The following RAB27B variants were observed in gnomAD, a reference collection of about 807,000 sequenced individuals.
The protein encoded by RAB27B is RAB27B, member RAS oncogene family.
Under a neutral mutation model 24.6 loss-of-function variants are expected in RAB27B, and 15 were observed. That is an observed-to-expected ratio of 0.61 (90% CI 0.41 to 0.94). The LOEUF (loss-of-function observed/expected upper bound fraction) is 0.94, where lower values mean the gene tolerates loss of function less well. RAB27B is among the 40% of genes least tolerant of loss of function. The probability of loss-of-function intolerance (pLI) is 0.00; values close to 1 mark genes in which losing one functional copy is unlikely to be tolerated. For synonymous variants in RAB27B, 105 were observed against 92.5 expected (o/e 1.14, Z -0.78); for missense variants, 261 against 266.8 (o/e 0.98, Z 0.15).
chr18:54,811,914 A>G (rs1909975820), intron 2 of RAB27B, among the ~76,000 whole-genome samples: 1 of 152,200 alleles, frequency 6.6e-6, no homozygotes, highest in Non-Finnish European at 1.5e-5. Context: ...CAATGCCCAT[A>G]TTGCAACTTC....
chr18:54,767,214 A>G (rs776955560), intron 2 of RAB27B, among the ~76,000 whole-genome samples: 6 of 152,164 alleles, frequency 3.9e-5, no homozygotes, highest in Non-Finnish European at 7.4e-5. Flanking sequence ...GCTCTCCTAA[A>G]TGTTTGCTCT....
At chr18:54,786,200 C>T (rs1909079593) in intron 2 of RAB27B, among the ~76,000 whole-genome samples, 1 of 152,154 alleles carries the variant, frequency 6.6e-6, no homozygotes, top group Admixed American at 6.5e-5. Context: ...GTCCTTTCAA[C>T]TTTGTATGAA....
intron 2 of RAB27B, among the ~76,000 whole-genome samples, chr18:54,806,674 G>T (rs1909800354): frequency 6.6e-6 from 1 of 151,114 alleles, no homozygotes; most frequent in South Asian, 2.1e-4. Flanking sequence ...TGGCTTTCAG[G>T]ATGTTATGTT....
At chr18:54,790,829 G>T (rs1201121219) in intron 2 of RAB27B, among the ~76,000 whole-genome samples, 1 of 152,062 alleles carries the variant, frequency 6.6e-6, no homozygotes, top group African/African-American at 2.4e-5. Context: ...AAACATTTTA[G>T]CACTTGTAGA....
chr18:54,777,501 T>TA (rs1364464488), intron 2 of RAB27B, among the ~76,000 whole-genome samples: 5 of 151,950 alleles, frequency 3.3e-5, no homozygotes, highest in African/African-American at 1.2e-4. Context: ...CAGTGGAGAG[T>TA]TTTAGAGTAC....
At chr18:54,742,632 A>G (rs563060966) in intron 2 of RAB27B, among the ~76,000 whole-genome samples, 9 of 152,312 alleles carry the variant, frequency 5.9e-5, no homozygotes, top group African/African-American at 2.2e-4. Flanking sequence ...TTATGAGAAC[A>G]AGTGCCCTGA....
chr18:54,719,719 G>A (rs1033052378), intron 2 of RAB27B, among the ~76,000 whole-genome samples: 2 of 151,878 alleles, frequency 1.3e-5, no homozygotes, highest in South Asian at 2.1e-4. Context: ...TCAAGTTTGT[G>A]TATATTACAT....
intron 2 of RAB27B, among the ~76,000 whole-genome samples, chr18:54,772,478 C>A (rs534053121): frequency 6.6e-6 from 1 of 152,286 alleles, no homozygotes; most frequent in East Asian, 1.9e-4. Context: ...CTAGGCTTAT[C>A]CATGTTGATT....
At chr18:54,852,332 AT>A (rs1373981700) in intron 1 of RAB27B, among the ~76,000 whole-genome samples, 5 of 152,200 alleles carry the variant, frequency 3.3e-5, no homozygotes, top group African/African-American at 1.2e-4. Flanking sequence ...CACATAGCTA[AT>A]ATTGAGAGGA....
chr18:54,739,896 T>C (rs1291645847), intron 2 of RAB27B, among the ~76,000 whole-genome samples: 2 of 152,260 alleles, frequency 1.3e-5, no homozygotes, highest in Non-Finnish European at 2.9e-5. Context: ...TGTGAGCTTA[T>C]TAGACATTCA....
chr18:54,728,864 A>AGAC (rs1268688409), intron 2 of RAB27B, among the ~76,000 whole-genome samples: 8 of 122,074 alleles, frequency 6.6e-5, no homozygotes, highest in Non-Finnish European at 1.2e-4. Flanking sequence ...AGACAGAGTA[A>AGAC]GACTCTGTCT....
intron 2 of RAB27B, among the ~76,000 whole-genome samples, chr18:54,794,189 A>G (rs1479818073): frequency 1.3e-5 from 2 of 152,174 alleles, no homozygotes; most frequent in East Asian, 3.9e-4. Context: ...GGTTATGAGA[A>G]TTAAGTAAAT....
chr18:54,864,303 GA>G (rs1298275984), intron 1 of RAB27B, among the ~76,000 whole-genome samples: 3 of 152,022 alleles, frequency 2.0e-5, no homozygotes, highest in Non-Finnish European at 4.4e-5. Context: ...TGTAGTCTTT[GA>G]GAAGATATCT....
chr18:54,835,780 G>A (rs1910870670), intron 1 of RAB27B, among the ~76,000 whole-genome samples: 1 of 151,972 alleles, frequency 6.6e-6, no homozygotes, highest in Non-Finnish European at 1.5e-5. Flanking sequence ...CTCGTGTAAA[G>A]TCACTAGGCC....
chr18:54,775,571 C>A (rs1908689815), intron 2 of RAB27B, among the ~76,000 whole-genome samples: 1 of 152,214 alleles, frequency 6.6e-6, no homozygotes, highest in African/African-American at 2.4e-5. Context: ...CAAATGGAGT[C>A]TGACCCCAGA....
chr18:54,834,527 AC>A (rs1168275980), intron 1 of RAB27B, among the ~76,000 whole-genome samples: 1 of 152,114 alleles, frequency 6.6e-6, no homozygotes, highest in Admixed American at 6.6e-5. Context: ...TTTGATGTTT[AC>A]TTCCTTCCTT....
intron 2 of RAB27B, among the ~76,000 whole-genome samples, chr18:54,731,447 G>A (rs1909728834): frequency 6.6e-6 from 1 of 152,208 alleles, no homozygotes; most frequent in Non-Finnish European, 1.5e-5. Flanking sequence ...TCTGCCAGGT[G>A]TGGTGGCTCA....
intron 2 of RAB27B, among the ~76,000 whole-genome samples, chr18:54,768,980 C>A (rs959175478): frequency 6.6e-6 from 1 of 152,134 alleles, no homozygotes; most frequent in African/African-American, 2.4e-5. Flanking sequence ...TTCCACCAGG[C>A]CACTCCCAAA....
chr18:54,872,189 A>G (rs1384522133), intron 1 of RAB27B, among the ~76,000 whole-genome samples: 1 of 152,188 alleles, frequency 6.6e-6, no homozygotes, highest in African/African-American at 2.4e-5. Flanking sequence ...CGACAGCTTT[A>G]TGTGTTCTCT....
Sources: allele counts gnomAD v4.1 joint callset (sites outside exome capture counted in the v4.1 genomes callset), GRCh38; gene constraint gnomAD v4.1.1; transcripts MANE v1.5; gene names NCBI Gene and HGNC (gene_info 2026-07-23, HGNC 2026-07-21).